Variants in INPP5F observed in about 807,000 individuals in gnomAD.
INPP5F encodes the protein inositol polyphosphate-5-phosphatase F.
INPP5F carries 97 observed loss-of-function variants against 137.2 expected under a neutral mutation model. That is an observed-to-expected ratio of 0.71 (90% CI 0.60 to 0.84). The LOEUF (loss-of-function observed/expected upper bound fraction) is 0.84, where lower values mean the gene tolerates loss of function less well. INPP5F is among the 40% of genes least tolerant of loss of function. The probability of loss-of-function intolerance (pLI) is 0.00; values close to 1 mark genes in which losing one functional copy is unlikely to be tolerated. For synonymous variants in INPP5F, 504 were observed against 476.9 expected (o/e 1.06, Z -0.74); for missense variants, 1,271 against 1,371.9 (o/e 0.93, Z 1.16).
In INPP5F at chr10:119,748,997, C is replaced by T. The variant is rs114303269; in HGVS notation, c.98-2079C>T. Among the ~76,000 whole-genome samples the T allele has an allele frequency of 1.3e-3, 198 of 152,304 alleles. 1 individual carries two copies. Among genetic ancestry groups the T allele is most frequent in the African/African-American group, 4.5e-3 (189 of 41,570 alleles). The stretch of plus-strand genomic sequence containing the variant: ...CCTCTCTCCCACGCTTATCGGCACC[C>T]GAAGTCCAGAGGGGGCTGAGGCGGC... On this transcript the variant is annotated intron_variant, in intron 1 of 19. Transcript: ENST00000650623. This position sits in a 1 kb window ranked among gnomAD's most constrained non-coding sequence, Gnocchi z 4.7.
intron 15 of INPP5F, among the ~76,000 whole-genome samples, chr10:119,812,992 T>C (rs1421573556): frequency 1.3e-5 from 2 of 152,152 alleles, no homozygotes; most frequent in African/African-American, 4.8e-5. Flanking sequence ...TTTCCTTGAG[T>C]TTTAACTGCA....
intron 6 of INPP5F, among the ~76,000 whole-genome samples, chr10:119,794,309 A>G (rs188183395): frequency 0.047 from 7,150 of 152,178 alleles, 305 homozygotes; most frequent in South Asian, 0.26. Context: ...GATACAGCAC[A>G]TGTTTCAGAG....
At chr10:119,804,082 C>T in intron 9 of INPP5F, 91 bp from the exon 10 acceptor site, 1 of 883,964 alleles carries the variant, frequency 1.1e-6, no homozygotes, top group South Asian at 2.1e-5. Flanking sequence ...TTATTAAAAA[C>T]CACACTGTGA....
chr10:119,827,828 A>G lies in INPP5F; in HGVS notation c.*48A>G, dbSNP rs765614811. 2 of 1,300,280 alleles carry G rather than the reference A, an allele frequency of 1.5e-6. No homozygotes were observed. The highest frequency in any genetic ancestry group is 3.0e-5 in the African/African-American group (2 of 67,564). The allele number at this position is 1,300,280 out of a possible 1,614,324, so 80.5% of individuals were successfully genotyped here. The stretch of plus-strand genomic sequence containing the variant: ...CATGGCTTTTATTTAAAAATATGAA[A>G]TTTTCACCTCTTGGGGTATTTTAAT... On this transcript the variant is annotated 3_prime_UTR_variant, in exon 20 of 20. Coordinates refer to ENST00000650623, the MANE Select transcript of INPP5F (RefSeq NM_014937.4).
At chr10:119,774,571 C>T (rs1018429353) in intron 2 of INPP5F, among the ~76,000 whole-genome samples, 1 of 151,778 alleles carries the variant, frequency 6.6e-6, no homozygotes, top group African/African-American at 2.4e-5. Context: ...TGGGCTCAAG[C>T]AATCCCTCTG....
intron 8 of INPP5F, among the ~76,000 whole-genome samples, chr10:119,797,894 C>T (rs917223555): frequency 1.3e-5 from 2 of 152,258 alleles, no homozygotes; most frequent in East Asian, 1.9e-4. Context: ...AAATTGCTAT[C>T]GCTTTGAAGA....
chr10:119,807,285 A>T (rs1372408433), intron 12 of INPP5F, among the ~76,000 whole-genome samples: 1 of 152,168 alleles, frequency 6.6e-6, no homozygotes, highest in African/African-American at 2.4e-5. Context: ...AAATAAAAAT[A>T]AAAATAAAAA....
At chr10:119,797,969 C>A (rs376251786) in intron 8 of INPP5F, among the ~76,000 whole-genome samples, 10 of 151,972 alleles carry the variant, frequency 6.6e-5, no homozygotes, top group East Asian at 3.9e-4. Flanking sequence ...GAAGCAGGAA[C>A]TATCTTAAGA....
At chr10:119,789,485 A>AG (rs1462893889) in intron 3 of INPP5F, among the ~76,000 whole-genome samples, 5 of 152,084 alleles carry the variant, frequency 3.3e-5, no homozygotes, top group African/African-American at 1.2e-4. Context: ...TGCTGTATCA[A>AG]GGAGGGTGGG....
At chr10:119,742,281 A>C (rs1299408889) in intron 1 of INPP5F, among the ~76,000 whole-genome samples, 1 of 151,840 alleles carries the variant, frequency 6.6e-6, no homozygotes, top group Non-Finnish European at 1.5e-5. Flanking sequence ...TAGTTTCCCG[A>C]GTAGCTGGGA....
At chr10:119,796,303 G>A (rs997160182) in intron 6 of INPP5F, among the ~76,000 whole-genome samples, 1 of 152,184 alleles carries the variant, frequency 6.6e-6, no homozygotes, top group Non-Finnish European at 1.5e-5. Flanking sequence ...ACAATTGGGA[G>A]TTGAGAATCA....
At position 119,748,158 on chromosome 10, in the gene INPP5F, G is replaced by A. The variant is rs758655538; in HGVS notation, c.98-2918G>A. 2.0e-5 allele frequency among the ~76,000 whole-genome samples: 3 copies of A among 152,240 alleles called. No individual in the cohort carries two copies. Among genetic ancestry groups the A allele is most frequent in the Non-Finnish European group, 4.4e-5 (3 of 68,052 alleles). ...CGGTCCAGACACTATGCACAGCCAG[G>A]TGTGCCAGCCGTGGCAGGGCAGGCA... On this transcript the variant is annotated intron_variant, in intron 1 of 19. Transcript: ENST00000650623. The surrounding 1 kb of genome is among the most constrained non-coding windows in gnomAD (Gnocchi z 4.7).
At chr10:119,807,832 CTAAA>C in intron 12 of INPP5F, 96 bp from the exon 13 acceptor site, 4 of 1,173,988 alleles carry the variant, frequency 3.4e-6, no homozygotes, top group Non-Finnish European at 4.7e-6. Flanking sequence ...TTTAAGGGTC[CTAAA>C]TTGTATATGA....
chr10:119,781,314 T>G (rs575791611), intron 2 of INPP5F, among the ~76,000 whole-genome samples: 33 of 152,368 alleles, frequency 2.2e-4, no homozygotes, highest in Non-Finnish European at 3.5e-4. Flanking sequence ...TCATCGGTAT[T>G]CTCACCTGCA....
At chr10:119,795,500 C>A (rs1388205493) in intron 6 of INPP5F, among the ~76,000 whole-genome samples, 9 of 151,482 alleles carry the variant, frequency 5.9e-5, no homozygotes, top group African/African-American at 1.9e-4. Flanking sequence ...CAGAGACGCT[C>A]CTCACTTCCC....
chr10:119,819,888 T>A (rs965278991), intron 15 of INPP5F: 1 of 175,626 alleles, frequency 5.7e-6, no homozygotes, highest in Non-Finnish European at 1.2e-5. Flanking sequence ...TTACGCAGAT[T>A]TAATAAATTT....
intron 19 of INPP5F, among the ~76,000 whole-genome samples, chr10:119,824,968 A>G (rs1420923619): frequency 6.6e-6 from 1 of 152,210 alleles, no homozygotes; most frequent in Non-Finnish European, 1.5e-5. Flanking sequence ...TTGGAAATGT[A>G]TTGTGTGGGT....
At chr10:119,744,522 C>G (rs1163602696) in intron 1 of INPP5F, among the ~76,000 whole-genome samples, 1 of 151,422 alleles carries the variant, frequency 6.6e-6, no homozygotes, top group African/African-American at 2.4e-5. Flanking sequence ...CATCTGTCTT[C>G]TTTTCCTTCT....
rs898591652 is a variant in INPP5F, at chr10:119,726,141, T to G, written c.-122T>G. 4.1e-6 allele frequency: 2 copies of G among 492,334 alleles called. No homozygotes were observed. The highest frequency in any genetic ancestry group is 8.2e-5 in the East Asian group (2 of 24,440). The allele number at this position is 492,334 out of a possible 1,614,324, so 30.5% of individuals were successfully genotyped here. On this transcript the variant is annotated 5_prime_UTR_variant, in exon 1 of 20. Transcript: ENST00000650623. ...TGCCCCGGGGCGTTCCCTCTGCCGCTGCTTCTCGGCGCGGTTCCTACCCGG... is the reference window on the plus strand; with the variant it reads ...TGCCCCGGGGCGTTCCCTCTGCCGCGGCTTCTCGGCGCGGTTCCTACCCGG...
Sources: allele counts gnomAD v4.1 joint callset (sites outside exome capture counted in the v4.1 genomes callset), GRCh38; gene constraint gnomAD v4.1.1; non-coding constraint Gnocchi (gnomAD v3.1); transcripts MANE v1.5; gene names NCBI Gene and HGNC (gene_info 2026-07-23, HGNC 2026-07-21).